GHR: variants seen among roughly 807,000 people sequenced by gnomAD.
The protein encoded by GHR is GH receptor.
A neutral mutation model predicts 67.1 loss-of-function variants in GHR; 35 were observed. That is an observed-to-expected ratio of 0.52 (90% CI 0.40 to 0.69). GHR has a LOEUF of 0.69. Among genes scored for constraint, GHR ranks in the 30% least tolerant of loss-of-function variants. The pLI is 0.00. For missense variants in GHR, 792 were observed against 764.6 expected (o/e 1.04, Z -0.42); for synonymous variants, 272 against 269.1 (o/e 1.01, Z -0.10).
At chr5:42,558,183 T>C (rs1168138066) in intron 1 of GHR, among the ~76,000 whole-genome samples, 4 of 152,166 alleles carry the variant, frequency 2.6e-5, no homozygotes, top group East Asian at 1.9e-4. Context: ...CTGAGTACCC[T>C]TGGAAAAAAG....
intron 2 of GHR, among the ~76,000 whole-genome samples, chr5:42,627,488 G>A (rs1003185898): frequency 2.6e-5 from 4 of 152,216 alleles, no homozygotes; most frequent in African/African-American, 9.6e-5. Context: ...CATAACAGGT[G>A]TTAGCAGAAA....
chr5:42,672,746 A>G (rs1756378395), intron 3 of GHR, among the ~76,000 whole-genome samples: 1 of 152,182 alleles, frequency 6.6e-6, no homozygotes, highest in Admixed American at 6.5e-5. Context: ...TATAAGATAT[A>G]TATTATATCT....
At chr5:42,638,103 C>G (rs952172030) in intron 3 of GHR, among the ~76,000 whole-genome samples, 1 of 152,060 alleles carries the variant, frequency 6.6e-6, no homozygotes, top group Non-Finnish European at 1.5e-5. Context: ...CCACGCCCGG[C>G]AAATTTTTTT....
intron 4 of GHR, among the ~76,000 whole-genome samples, chr5:42,692,651 A>C (rs934522726): frequency 1.3e-5 from 2 of 152,168 alleles, no homozygotes; most frequent in Non-Finnish European, 2.9e-5. Flanking sequence ...TGTCCTGTGG[A>C]GTTCATGGAT....
Position 42,424,655 on chromosome 5 carries a change from TA to T in GHR, c.-12+704del. On this transcript the variant is annotated intron_variant, in intron 1 of 9. Coordinates refer to ENST00000230882, the MANE Select transcript of GHR (RefSeq NM_000163.5). This position sits in a 1 kb window ranked among gnomAD's most constrained non-coding sequence, Gnocchi z 4.1. ...CCAGCTTTTGACACACTAGTGGTTG[TA>T]AAATCAACCAGGCTTAAAGTTTTGA... 1.4e-6 allele frequency: 2 copies of T among 1,457,006 alleles called. No homozygotes were observed. Among genetic ancestry groups the T allele is most frequent in the Non-Finnish European group, 1.9e-6 (2 of 1,075,128 alleles). The allele number at this position is 1,457,006 out of a possible 1,614,324, so 90.3% of individuals were successfully genotyped here.
At chr5:42,475,001 A>G (rs1328335904) in intron 1 of GHR, among the ~76,000 whole-genome samples, 20 of 149,254 alleles carry the variant, frequency 1.3e-4, no homozygotes, top group African/African-American at 5.0e-4. Flanking sequence ...CTCCTGCCTC[A>G]GCCTCCCGAG....
intron 1 of GHR, among the ~76,000 whole-genome samples, chr5:42,530,190 G>T (rs1391085346): frequency 6.6e-6 from 1 of 151,524 alleles, no homozygotes; most frequent in Non-Finnish European, 1.5e-5. Context: ...GTTACCATTT[G>T]TGTGTGTGTG....
At chr5:42,506,841 G>T (rs1209670626) in intron 1 of GHR, among the ~76,000 whole-genome samples, 1 of 151,980 alleles carries the variant, frequency 6.6e-6, no homozygotes, top group African/African-American at 2.4e-5. Context: ...TGAAAGTCTG[G>T]GTCATTACAA....
chr5:42,587,110 A>G lies in GHR; in HGVS notation c.70+21166A>G, dbSNP rs375065838. Among the ~76,000 whole-genome samples, 15 of 152,214 alleles carry G rather than the reference A, an allele frequency of 9.9e-5. No individual in the cohort carries two copies. The East Asian group carries it at 1.5e-3, about 16-fold the overall frequency. Reference sequence around the variant, plus strand: ...GACATTTGTAAGTTTGGCAGCAAGCATTTTTAAACAGGATCTCTATTATAT... The same window carrying G: ...GACATTTGTAAGTTTGGCAGCAAGCGTTTTTAAACAGGATCTCTATTATAT... On this transcript the variant is annotated intron_variant, in intron 2 of 9. Coordinates refer to ENST00000230882, the MANE Select transcript of GHR (RefSeq NM_000163.5).
At chr5:42,577,140 G>C (rs758288522) in intron 2 of GHR, among the ~76,000 whole-genome samples, 1 of 152,080 alleles carries the variant, frequency 6.6e-6, no homozygotes, top group Non-Finnish European at 1.5e-5. Context: ...GACCTGCCAG[G>C]GTACTCTGTA....
chr5:42,611,003 G>T (rs1326753051), intron 2 of GHR, among the ~76,000 whole-genome samples: 2 of 152,124 alleles, frequency 1.3e-5, no homozygotes, highest in Non-Finnish European at 2.9e-5. Context: ...GAAACCTTCT[G>T]GGAGTGATGG....
chr5:42,526,160 C>A (rs1747696824), intron 1 of GHR, among the ~76,000 whole-genome samples: 1 of 151,884 alleles, frequency 6.6e-6, no homozygotes, highest in Non-Finnish European at 1.5e-5. Context: ...AATTAAAAGT[C>A]TACTCCAGTG....
intron 3 of GHR, among the ~76,000 whole-genome samples, chr5:42,629,393 C>T (rs1361139235): frequency 7.6e-6 from 1 of 131,440 alleles, no homozygotes; most frequent in Non-Finnish European, 1.6e-5. Context: ...TTAGCACCCT[C>T]CTCTTTGTGC....
intron 1 of GHR, among the ~76,000 whole-genome samples, chr5:42,431,224 G>A (rs1470948745): frequency 2.6e-5 from 4 of 151,978 alleles, no homozygotes; most frequent in African/African-American, 7.3e-5. Context: ...TCAAAACCAT[G>A]CTTCTTGCTT....
intron 1 of GHR, among the ~76,000 whole-genome samples, chr5:42,530,484 TG>T (rs1747916693): frequency 6.6e-6 from 1 of 152,230 alleles, no homozygotes; most frequent in African/African-American, 2.4e-5. Context: ...TGGTTGTAAT[TG>T]AGAATGGCAA....
intron 8 of GHR, among the ~76,000 whole-genome samples, chr5:42,716,924 C>T (rs1758753071): frequency 6.6e-6 from 1 of 152,168 alleles, no homozygotes; most frequent in Non-Finnish European, 1.5e-5. Flanking sequence ...AGTGTCATCT[C>T]TGAATAGTCA....
chr5:42,537,866 T>C (rs1368001025), intron 1 of GHR, among the ~76,000 whole-genome samples: 1 of 152,170 alleles, frequency 6.6e-6, no homozygotes, highest in Non-Finnish European at 1.5e-5. Context: ...TGTTTAGGAT[T>C]GTGATATTTT....
In GHR at chr5:42,489,155, C is replaced by G. The variant is rs1579805322; in HGVS notation, c.-12+65200C>G. 3.9e-5 allele frequency among the ~76,000 whole-genome samples: 6 copies of G among 152,274 alleles called. No individual in the cohort carries two copies. In the South Asian group the frequency reaches 1.0e-3, roughly 26 times the overall value. ...TTCAATCTTCTCTGCCTTACCCTCT[C>G]TTTTTCAATTTTGTTCTCGTTCTGT... is the stretch of plus-strand genomic sequence containing the variant. On this transcript the variant is annotated intron_variant, in intron 1 of 9. Transcript: ENST00000230882.
chr5:42,653,904 A>G (rs1580131834), intron 3 of GHR, among the ~76,000 whole-genome samples: 1 of 152,184 alleles, frequency 6.6e-6, no homozygotes, highest in African/African-American at 2.4e-5. Context: ...CTTCAAGGGT[A>G]TGAGGTCATA....
Sources: allele counts gnomAD v4.1 joint callset (sites outside exome capture counted in the v4.1 genomes callset), GRCh38; gene constraint gnomAD v4.1.1; non-coding constraint Gnocchi (gnomAD v3.1); transcripts MANE v1.5; gene names NCBI Gene and HGNC (gene_info 2026-07-23, HGNC 2026-07-21).